The following CSMD3 variants were observed in gnomAD, a reference collection of about 807,000 sequenced individuals.
CSMD3 encodes CUB and sushi domain-containing protein 3.
CSMD3 carries 177 observed loss-of-function variants against 435.2 expected under a neutral mutation model. The ratio of observed to expected loss-of-function variants is 0.41; its 90% CI spans 0.36 to 0.46. The LOEUF (loss-of-function observed/expected upper bound fraction) is 0.46. Among genes scored for constraint, CSMD3 ranks in the 20% least tolerant of loss-of-function variants. The probability of loss-of-function intolerance (pLI) is 0.34; values close to 1 mark genes in which losing one functional copy is unlikely to be tolerated. For missense variants in CSMD3, 4,265 were observed against 4,504.6 expected (o/e 0.95, Z 1.52); for synonymous variants, 1,656 against 1,520.5 (o/e 1.09, Z -2.07).
chr8:112,881,220 C>A (rs1236676321), intron 10 of CSMD3, among the ~76,000 whole-genome samples: 1 of 151,896 alleles, frequency 6.6e-6, no homozygotes, highest in Non-Finnish European at 1.5e-5. Flanking sequence ...GAAACAACTG[C>A]TACAAAATAA....
intron 13 of CSMD3, among the ~76,000 whole-genome samples, chr8:112,696,623 A>T (rs181718115): frequency 2.4e-3 from 361 of 152,080 alleles, no homozygotes; most frequent in East Asian, 3.9e-3. Flanking sequence ...ATAAAAACCC[A>T]AGAAGAAAAC....
At chr8:112,327,056 T>G (rs545188906) in intron 45 of CSMD3, among the ~76,000 whole-genome samples, 14 of 152,082 alleles carry the variant, frequency 9.2e-5, no homozygotes, top group Non-Finnish European at 1.8e-4. Context: ...ATAAATAAAT[T>G]GGATATCCTT....
chr8:112,727,830 A>T (rs1416815857), intron 13 of CSMD3, among the ~76,000 whole-genome samples: 1 of 151,850 alleles, frequency 6.6e-6, no homozygotes, highest in Non-Finnish European at 1.5e-5. Context: ...TGGCATTTTT[A>T]AACTGTTTAA....
intron 5 of CSMD3, among the ~76,000 whole-genome samples, chr8:113,097,949 T>C (rs963390662): frequency 2.0e-5 from 3 of 152,042 alleles, no homozygotes; most frequent in Non-Finnish European, 1.5e-5. Context: ...TGACTCTAAT[T>C]CCAGCTACCG....
intron 20 of CSMD3, among the ~76,000 whole-genome samples, chr8:112,641,191 C>T (rs1288289686): frequency 1.3e-5 from 2 of 152,018 alleles, no homozygotes; most frequent in African/African-American, 4.8e-5. Context: ...GTTATTTAGC[C>T]CTGGCCAGCC....
intron 4 of CSMD3, among the ~76,000 whole-genome samples, chr8:113,163,772 C>T (rs2092094134): frequency 1.3e-5 from 2 of 151,982 alleles, no homozygotes; most frequent in Non-Finnish European, 2.9e-5. Flanking sequence ...TGACCAGTGA[C>T]ATTAGGCATG....
intron 6 of CSMD3, among the ~76,000 whole-genome samples, chr8:113,013,418 T>G (rs546958145): frequency 6.6e-6 from 1 of 152,250 alleles, no homozygotes; most frequent in East Asian, 1.9e-4. Context: ...GTGAAGACTC[T>G]TTATTTACTT....
chr8:112,375,481 G>C (rs562338592), intron 38 of CSMD3, among the ~76,000 whole-genome samples: 2 of 152,010 alleles, frequency 1.3e-5, no homozygotes, highest in Non-Finnish European at 2.9e-5. Flanking sequence ...TTTCCCTCAG[G>C]AAGAGCAGTC....
At chr8:113,007,210 G>A (rs1047983508) in intron 6 of CSMD3, among the ~76,000 whole-genome samples, 2 of 151,914 alleles carry the variant, frequency 1.3e-5, no homozygotes, top group Non-Finnish European at 2.9e-5. Context: ...CTAGGGCTTG[G>A]AATTTTAATT....
intron 1 of CSMD3, among the ~76,000 whole-genome samples, chr8:113,434,969 C>A (rs1310315995): frequency 6.6e-6 from 1 of 152,198 alleles, no homozygotes; most frequent in Non-Finnish European, 1.5e-5. Flanking sequence ...CAGGAGCCAC[C>A]CTTACATTTT....
intron 5 of CSMD3, among the ~76,000 whole-genome samples, chr8:113,073,723 A>G (rs1301013364): frequency 6.6e-6 from 1 of 151,792 alleles, no homozygotes; most frequent in Non-Finnish European, 1.5e-5. Flanking sequence ...TTCAGTAAAA[A>G]TATAGAAAAT....
intron 3 of CSMD3, among the ~76,000 whole-genome samples, chr8:113,214,694 G>A (rs117824363): frequency 0.024 from 3,629 of 151,724 alleles, 73 homozygotes; most frequent in Middle Eastern, 0.051. Flanking sequence ...AAATTTAGAG[G>A]AATGCCTAAA....
At chr8:113,010,007 C>G (rs1446218068) in intron 6 of CSMD3, among the ~76,000 whole-genome samples, 1 of 151,704 alleles carries the variant, frequency 6.6e-6, no homozygotes, top group Non-Finnish European at 1.5e-5. Flanking sequence ...AAATGTTTGA[C>G]ATAATTTAAT....
In CSMD3 at chr8:113,275,112, T is replaced by C. The variant is rs75938014; in HGVS notation, c.514+3480A>G. ...CTATCAATATTGTAATTCATATGTA[T>C]AGACTGTTTATTATGTTAGATCCTA... On this transcript the variant is annotated intron_variant, in intron 3 of 70. Transcript: ENST00000297405. Among the ~76,000 whole-genome samples the C allele has an allele frequency of 5.2e-3, 785 of 152,242 alleles. 11 individuals carry two copies. The highest frequency in any genetic ancestry group is 0.018 in the African/African-American group (754 of 41,558).
intron 30 of CSMD3, among the ~76,000 whole-genome samples, chr8:112,494,021 T>C (rs1820965765): frequency 6.6e-6 from 1 of 152,156 alleles, no homozygotes; most frequent in Non-Finnish European, 1.5e-5. Context: ...GTTTGGCTAC[T>C]ACAAACATAT....
At chr8:112,538,530 C>T (rs997312346) in intron 27 of CSMD3, among the ~76,000 whole-genome samples, 1 of 151,734 alleles carries the variant, frequency 6.6e-6, no homozygotes, top group African/African-American at 2.4e-5. Flanking sequence ...ACATACAAAA[C>T]TCAGTAGCAT....
intron 3 of CSMD3, among the ~76,000 whole-genome samples, chr8:113,266,181 TA>T (rs34809876): frequency 0.048 from 6,375 of 131,752 alleles, 152 homozygotes; most frequent in African/African-American, 0.058. Context: ...CCCCTAAACT[TA>T]AAAAAAAAAA....
In CSMD3 at chr8:112,867,211, C is replaced by T. The variant is rs77274562; in HGVS notation, c.1634-7945G>A. 2.3e-3 allele frequency among the ~76,000 whole-genome samples: 352 copies of T among 152,186 alleles called. 1 individual carries two copies. Among genetic ancestry groups the T allele is most frequent in the African/African-American group, 8.1e-3 (336 of 41,548 alleles). ...AGAAGTAGGCCAAGGCAAGTGCTAC[C>T]CACATGTTTCAGGTACCTTTCTAAT... On this transcript the variant is annotated intron_variant, in intron 10 of 70. Coordinates refer to ENST00000297405, the MANE Select transcript of CSMD3 (RefSeq NM_198123.2).
In CSMD3 at chr8:112,387,465, ATGTGTG is replaced by A. The variant is rs34034900; in HGVS notation, c.5934+3193_5934+3198del. 1.8e-3 allele frequency among the ~76,000 whole-genome samples: 263 copies of A among 144,208 alleles called. 1 individual carries two copies. The highest frequency in any genetic ancestry group is 4.7e-3 in the African/African-American group (184 of 38,902). The allele number at this position is 144,208 out of a possible 152,430, so 94.6% of individuals were successfully genotyped here. Reference sequence around the variant, plus strand: ...AAGTTTCAAATGTAAGTCATATATTATGTGTGTGTGTGTGTGTGTGTGTGTGTGTGT... The same window carrying A: ...AAGTTTCAAATGTAAGTCATATATTATGTGTGTGTGTGTGTGTGTGTGTGT... On this transcript the variant is annotated intron_variant, in intron 36 of 70. Coordinates refer to ENST00000297405, the MANE Select transcript of CSMD3 (RefSeq NM_198123.2).
Sources: allele counts gnomAD v4.1 joint callset (sites outside exome capture counted in the v4.1 genomes callset), GRCh38; gene constraint gnomAD v4.1.1; transcripts MANE v1.5; gene names NCBI Gene and HGNC (gene_info 2026-07-23, HGNC 2026-07-21).